The following SV2C variants were observed in gnomAD, a reference collection of about 807,000 sequenced individuals.
SV2C encodes the protein synaptic vesicle glycoprotein 2C.
In SV2C, 49 loss-of-function variants were observed where a neutral mutation model predicts 79.7. The observed-to-expected ratio is 0.61, with a 90% CI of 0.49 to 0.78. The LOEUF is 0.78. Among genes scored for constraint, SV2C ranks in the 30% least tolerant of loss-of-function variants. The pLI, the probability that SV2C is intolerant of heterozygous loss-of-function variation, is 0.00. For missense variants in SV2C, 833 were observed against 912.9 expected (o/e 0.91, Z 1.13); for synonymous variants, 334 against 333.2 (o/e 1.00, Z -0.03).
At chr5:76,047,599 C>T in the SV2C span, among the ~76,000 whole-genome samples, 1 of 151,890 alleles carries the variant, frequency 6.6e-6, no homozygotes, top group African/African-American at 2.4e-5. Flanking sequence ...AAATATTATG[C>T]TATTAATGGA....
the SV2C span, among the ~76,000 whole-genome samples, chr5:75,975,734 A>T: frequency 6.6e-6 from 1 of 152,168 alleles, no homozygotes; most frequent in Non-Finnish European, 1.5e-5. Context: ...CAGGCATTGT[A>T]AAATAGAGAT....
chr5:76,292,766 C>A (rs370545513), intron 8 of SV2C, among the ~76,000 whole-genome samples: 4 of 152,034 alleles, frequency 2.6e-5, no homozygotes, highest in African/African-American at 9.7e-5. Flanking sequence ...TATATGTGTT[C>A]CAGGAAAAGA....
chr5:76,089,478 G>T (rs1231756493), intron 1 of SV2C, among the ~76,000 whole-genome samples: 1 of 152,150 alleles, frequency 6.6e-6, no homozygotes, highest in Non-Finnish European at 1.5e-5. Context: ...GAATAGCACT[G>T]CAATGAACAT....
chr5:76,092,093 C>T (rs114179785), intron 1 of SV2C, among the ~76,000 whole-genome samples: 1,918 of 151,970 alleles, frequency 0.013, 21 homozygotes, highest in Non-Finnish European at 0.019. Flanking sequence ...TTAGTAGAAC[C>T]GATATAGTAT....
intron 4 of SV2C, among the ~76,000 whole-genome samples, chr5:76,223,444 CATATAT>C (rs70979384): frequency 0.02 from 902 of 45,634 alleles, 17 homozygotes; most frequent in East Asian, 0.059. Context: ...TACATACATA[CATATAT>C]ATATATATAT....
chr5:75,999,535 A>G, the SV2C span, among the ~76,000 whole-genome samples: 2 of 152,102 alleles, frequency 1.3e-5, no homozygotes, highest in African/African-American at 4.8e-5. Context: ...CCTGAAAAGT[A>G]GGGAAGCCTA....
At chr5:75,919,413 C>G in the SV2C span, among the ~76,000 whole-genome samples, 1 of 152,212 alleles carries the variant, frequency 6.6e-6, no homozygotes, top group Non-Finnish European at 1.5e-5. Flanking sequence ...GTCTATGCAG[C>G]TGGCTGTCTT....
the SV2C span, among the ~76,000 whole-genome samples, chr5:75,864,310 CTCCATCCATCCATCCATCCA>C: frequency 3.3e-5 from 5 of 149,594 alleles, no homozygotes; most frequent in African/African-American, 7.4e-5. Flanking sequence ...TCCAGTGCCA[CTCCATCCATCCATCCATCCA>C]TCCATCCATC....
At chr5:76,265,222 C>T (rs1746613523) in intron 4 of SV2C, among the ~76,000 whole-genome samples, 1 of 152,210 alleles carries the variant, frequency 6.6e-6, no homozygotes. Context: ...TCCACCCAGT[C>T]TGAACTTCCA....
rs748039095 is a variant in SV2C, at chr5:76,220,597, C to T, written c.913+10710C>T. Among the ~76,000 whole-genome samples, 33 of 146,304 alleles carry T rather than the reference C, an allele frequency of 2.3e-4. 1 individual carries two copies. Among genetic ancestry groups the T allele is most frequent in the Non-Finnish European group, 4.3e-4 (29 of 67,066 alleles). On this transcript the variant is annotated intron_variant, in intron 4 of 12. Coordinates refer to ENST00000502798, the MANE Select transcript of SV2C (RefSeq NM_014979.4). ...CAAGGCACCAGAATTGCTTGAACTT[C>T]CCGGGAAGGGACACTGTCTTAAAAA...
chr5:76,100,726 A>G (rs1463907243), intron 1 of SV2C, among the ~76,000 whole-genome samples: 1 of 152,178 alleles, frequency 6.6e-6, no homozygotes, highest in Middle Eastern at 3.2e-3. Flanking sequence ...AAAGAAGTCC[A>G]GAACTCCATG....
intron 4 of SV2C, among the ~76,000 whole-genome samples, chr5:76,266,789 TAA>T (rs60469297): frequency 3.1e-4 from 45 of 146,032 alleles, no homozygotes; most frequent in Admixed American, 4.8e-4. Context: ...AATTATACAG[TAA>T]AAAAAAAAAA....
At chr5:75,851,884 C>T in the SV2C span, among the ~76,000 whole-genome samples, 1 of 152,146 alleles carries the variant, frequency 6.6e-6, no homozygotes, top group Non-Finnish European at 1.5e-5. Context: ...AGGATGGTCT[C>T]GATCTCCTGA....
At chr5:75,979,297 C>T in the SV2C span, among the ~76,000 whole-genome samples, 741 of 151,884 alleles carry the variant, frequency 4.9e-3, 21 homozygotes, top group South Asian at 0.049. Context: ...ACTTTAACAC[C>T]GCACTGTCAA....
At chr5:75,945,718 T>C in the SV2C span, among the ~76,000 whole-genome samples, 1 of 152,062 alleles carries the variant, frequency 6.6e-6, no homozygotes. Flanking sequence ...ATTAAAATCA[T>C]ACGAGTATGT....
At chr5:75,851,960 G>T in the SV2C span, among the ~76,000 whole-genome samples, 1 of 152,196 alleles carries the variant, frequency 6.6e-6, no homozygotes. Flanking sequence ...ACCGCGCCTG[G>T]CCGAAACATT....
At chr5:75,876,910 T>G in the SV2C span, among the ~76,000 whole-genome samples, 1 of 151,712 alleles carries the variant, frequency 6.6e-6, no homozygotes, top group African/African-American at 2.4e-5. Context: ...ATGAAACATA[T>G]AATAAACAAA....
intron 4 of SV2C, among the ~76,000 whole-genome samples, chr5:76,239,579 A>C (rs1579976689): frequency 6.6e-6 from 1 of 152,086 alleles, no homozygotes; most frequent in South Asian, 2.1e-4. Flanking sequence ...TGAAGGATCC[A>C]CTTACAAGGG....
intron 3 of SV2C, among the ~76,000 whole-genome samples, chr5:76,202,015 CAAAAAAAA>C (rs373279209): frequency 1.2e-5 from 1 of 82,154 alleles, no homozygotes; most frequent in Non-Finnish European, 2.3e-5. Flanking sequence ...GACTCCATCT[CAAAAAAAA>C]AAAAAAAAAA....
Sources: gnomAD v4.1 joint callset for allele counts (sites outside exome capture counted in the v4.1 genomes callset) on GRCh38, gnomAD v4.1.1 for gene constraint, MANE v1.5 for transcripts, NCBI Gene and HGNC (gene_info 2026-07-23, HGNC 2026-07-21) for gene names.